PEX5L: variants seen among roughly 807,000 people sequenced by gnomAD.
PEX5L encodes the protein peroxisomal biogenesis factor 5 like, also known as PEX5-related protein.
Under a neutral mutation model 84.0 loss-of-function variants are expected in PEX5L, and 30 were observed. The ratio of observed to expected loss-of-function variants is 0.36; its 90% confidence interval spans 0.27 to 0.48. The LOEUF (loss-of-function observed/expected upper bound fraction) is 0.48, where lower values mean the gene tolerates loss of function less well. Among genes scored for constraint, PEX5L ranks in the 20% least tolerant of loss-of-function variants. The probability of loss-of-function intolerance (pLI) is 0.99; values close to 1 mark genes in which losing one functional copy is unlikely to be tolerated. For synonymous variants in PEX5L, 270 were observed against 283.1 expected (o/e 0.95, Z 0.46); for missense variants, 533 against 754.6 (o/e 0.71, Z 3.44).
At chr3:179,884,967 A>G (rs1351245047) in intron 4 of PEX5L, among the ~76,000 whole-genome samples, 2 of 151,754 alleles carry the variant, frequency 1.3e-5, no homozygotes, top group Non-Finnish European at 2.9e-5. Flanking sequence ...AATATTTCCT[A>G]AATTTTTTTT....
At chr3:179,830,202 TC>T (rs1271148873) in intron 8 of PEX5L, among the ~76,000 whole-genome samples, 1 of 152,052 alleles carries the variant, frequency 6.6e-6, no homozygotes, top group African/African-American at 2.4e-5. Context: ...AAAACCTGTT[TC>T]ATTTTGGCAG....
intron 1 of PEX5L, among the ~76,000 whole-genome samples, chr3:180,020,407 T>C (rs942895096): frequency 6.6e-6 from 1 of 152,054 alleles, no homozygotes; most frequent in Admixed American, 6.6e-5. Context: ...ATATAAGATT[T>C]ATACACATGA....
chr3:180,025,526 A>C (rs577871146), intron 1 of PEX5L, among the ~76,000 whole-genome samples: 194 of 152,336 alleles, frequency 1.3e-3, no homozygotes, highest in African/African-American at 4.4e-3. Flanking sequence ...GCTGCTAAAG[A>C]AGCATCAAGA....
At chr3:179,999,343 C>T (rs1788179231) in intron 1 of PEX5L, among the ~76,000 whole-genome samples, 1 of 152,186 alleles carries the variant, frequency 6.6e-6, no homozygotes, top group African/African-American at 2.4e-5. Context: ...CACCACTCAG[C>T]CTCTTCCCCC....
At chr3:179,993,727 T>A (rs1787598055) in intron 1 of PEX5L, among the ~76,000 whole-genome samples, 1 of 152,074 alleles carries the variant, frequency 6.6e-6, no homozygotes. Context: ...AGTCTCTAAC[T>A]CCTGAGCTCA....
chr3:179,802,510 G>C (rs1343587451), intron 14 of PEX5L, among the ~76,000 whole-genome samples: 1 of 138,538 alleles, frequency 7.2e-6, no homozygotes, highest in African/African-American at 2.8e-5. Flanking sequence ...CCTCCAGCCT[G>C]GGCAACAGAG....
intron 7 of PEX5L, among the ~76,000 whole-genome samples, chr3:179,864,606 T>TTTTTC (rs1747452667): frequency 6.6e-6 from 1 of 152,060 alleles, no homozygotes; most frequent in Non-Finnish European, 1.5e-5. Context: ...GTTCAAGAGA[T>TTTTTC]CTATGGCACA....
At position 180,001,668 on chromosome 3, in the gene PEX5L, T is replaced by C. The variant is rs540531003; in HGVS notation, c.22-30003A>G. ...TTTATTTGAAGTCATTAAGTTTTAA[T>C]CATTTTTAATAAACTATTTTATGCA... On this transcript the variant is annotated intron_variant, in intron 1 of 14. Coordinates refer to ENST00000467460, the MANE Select transcript of PEX5L (RefSeq NM_016559.3). Among the ~76,000 whole-genome samples, 8 of 152,234 alleles carry C rather than the reference T, an allele frequency of 5.3e-5. No homozygotes were observed. The East Asian group carries it at 1.3e-3, about 26-fold the overall frequency.
chr3:179,903,444 G>A lies in PEX5L; in HGVS notation c.94-5198C>T, dbSNP rs148475129. Among the ~76,000 whole-genome samples the A allele has an allele frequency of 1.1e-4, 16 of 152,192 alleles. No individual in the cohort carries two copies. In the East Asian group the frequency reaches 3.1e-3, roughly 29 times the overall value. On this transcript the variant is annotated intron_variant, in intron 2 of 14. Coordinates refer to ENST00000467460, the MANE Select transcript of PEX5L (RefSeq NM_016559.3). Reference sequence around the variant, plus strand: ...GGAGTTTTACTATGCTGCCCAGGCTGGCCTCAAACTCCTGGGCTCAAGCAA... The same window carrying A: ...GGAGTTTTACTATGCTGCCCAGGCTAGCCTCAAACTCCTGGGCTCAAGCAA...
At chr3:179,966,350 C>G (rs2110169536) in intron 2 of PEX5L, among the ~76,000 whole-genome samples, 1 of 152,228 alleles carries the variant, frequency 6.6e-6, no homozygotes, top group African/African-American at 2.4e-5. Flanking sequence ...TACCAAGAGA[C>G]AGGGTATCAT....
At chr3:179,897,588 CA>C (rs1759783047) in intron 3 of PEX5L, among the ~76,000 whole-genome samples, 2 of 152,186 alleles carry the variant, frequency 1.3e-5, no homozygotes, top group East Asian at 3.9e-4. Flanking sequence ...AGAGGGGTCA[CA>C]AATGCCATTT....
chr3:179,928,475 C>T (rs140154420), intron 2 of PEX5L, among the ~76,000 whole-genome samples: 32 of 152,236 alleles, frequency 2.1e-4, no homozygotes, highest in African/African-American at 7.0e-4. Context: ...CTTCCTTCCC[C>T]ACTTAAGCTT....
intron 3 of PEX5L, among the ~76,000 whole-genome samples, chr3:179,890,183 T>C (rs1374523305): frequency 6.6e-6 from 1 of 152,190 alleles, no homozygotes; most frequent in Non-Finnish European, 1.5e-5. Context: ...GATGAGGTCC[T>C]ACTTTCACAA....
At chr3:179,992,637 T>C (rs1787486720) in intron 1 of PEX5L, among the ~76,000 whole-genome samples, 1 of 152,054 alleles carries the variant, frequency 6.6e-6, no homozygotes, top group Admixed American at 6.5e-5. Flanking sequence ...AAAAGTACTG[T>C]GTGTAGCATG....
chr3:179,851,188 T>C (rs1741707896), intron 8 of PEX5L, among the ~76,000 whole-genome samples: 1 of 152,200 alleles, frequency 6.6e-6, no homozygotes, highest in Non-Finnish European at 1.5e-5. Flanking sequence ...TGGGCTGGTA[T>C]AACAAAAATT....
chr3:179,858,023 C>G (rs1744665309), intron 8 of PEX5L, among the ~76,000 whole-genome samples: 1 of 152,090 alleles, frequency 6.6e-6, no homozygotes, highest in African/African-American at 2.4e-5. Flanking sequence ...GAAATTATGG[C>G]TGGAAGTCTT....
chr3:179,976,580 GGCACGTGCCA>G (rs1785818347), intron 1 of PEX5L, among the ~76,000 whole-genome samples: 1 of 152,174 alleles, frequency 6.6e-6, no homozygotes, highest in Non-Finnish European at 1.5e-5. Flanking sequence ...TGGGATTACA[GGCACGTGCCA>G]CCACAGCTGG....
At chr3:179,939,070 A>G (rs756103757) in intron 2 of PEX5L, among the ~76,000 whole-genome samples, 2 of 152,234 alleles carry the variant, frequency 1.3e-5, no homozygotes, top group Non-Finnish European at 2.9e-5. Flanking sequence ...ACTCTGCCTC[A>G]CAAATTTATG....
intron 3 of PEX5L, among the ~76,000 whole-genome samples, 194 bp downstream of exon 3, chr3:179,897,944 CAAAT>C (rs1325280816): frequency 6.6e-6 from 1 of 151,898 alleles, no homozygotes; most frequent in Non-Finnish European, 1.5e-5. Context: ...TTAATATTCA[CAAAT>C]AAATAACTAG....
Sources: allele counts gnomAD v4.1 joint callset (sites outside exome capture counted in the v4.1 genomes callset), GRCh38; gene constraint gnomAD v4.1.1; transcripts MANE v1.5; gene names NCBI Gene and HGNC (gene_info 2026-07-23, HGNC 2026-07-21).